The following DLG1 variants were observed in gnomAD, a reference collection of about 807,000 sequenced individuals.
The protein encoded by DLG1 is discs large MAGUK scaffold protein 1.
DLG1 carries 42 observed loss-of-function variants against 123.4 expected under a neutral mutation model. That is an observed-to-expected ratio of 0.34 (90% CI 0.27 to 0.44). DLG1 has a LOEUF of 0.44. DLG1 is among the 20% of genes least tolerant of loss of function. DLG1 has a pLI of 1.00. For missense variants in DLG1, 942 were observed against 1,082.6 expected (o/e 0.87, Z 1.82); for synonymous variants, 317 against 356.2 (o/e 0.89, Z 1.24).
chr3:197,274,616 T>C (rs927773188), intron 4 of DLG1, among the ~76,000 whole-genome samples: 1 of 151,768 alleles, frequency 6.6e-6, no homozygotes, highest in Non-Finnish European at 1.5e-5. Flanking sequence ...AAAGCAAAAA[T>C]AGGTAAATGA....
At chr3:197,084,500 C>T (rs1006691888) in intron 16 of DLG1, among the ~76,000 whole-genome samples, 6 of 151,652 alleles carry the variant, frequency 4.0e-5, no homozygotes, top group South Asian at 2.1e-4. Flanking sequence ...TTAGTAGAGA[C>T]GGGGTTTCAC....
intron 4 of DLG1, among the ~76,000 whole-genome samples, chr3:197,248,775 G>A (rs186321610): frequency 3.1e-4 from 47 of 152,262 alleles, no homozygotes; most frequent in Middle Eastern, 6.8e-3. Context: ...AGCGTGGGTC[G>A]GCTACAAGCT....
At chr3:197,205,357 G>C (rs572954007) in intron 4 of DLG1, among the ~76,000 whole-genome samples, 2 of 152,032 alleles carry the variant, frequency 1.3e-5, no homozygotes, top group South Asian at 2.1e-4. Context: ...AAAAAAACTA[G>C]AAACCAATCT....
chr3:197,241,567 T>A (rs1301492723), intron 4 of DLG1, among the ~76,000 whole-genome samples: 1 of 152,192 alleles, frequency 6.6e-6, no homozygotes, highest in African/African-American at 2.4e-5. Context: ...ACGACTCTAG[T>A]ATTATATAAA....
chr3:197,298,725 C>G, upstream of DLG1: 1 of 397,342 alleles, frequency 2.5e-6, no homozygotes, highest in African/African-American at 2.1e-5. Flanking sequence ...GGGGTGCCAA[C>G]TCTGCATTGC....
intron 5 of DLG1, among the ~76,000 whole-genome samples, chr3:197,186,030 G>T (rs1330660671): frequency 6.6e-6 from 1 of 152,172 alleles, no homozygotes; most frequent in Non-Finnish European, 1.5e-5. Flanking sequence ...AATACTTCTT[G>T]ATGCAAATTT....
At chr3:197,193,317 C>A (rs554270464) in intron 5 of DLG1, among the ~76,000 whole-genome samples, 1 of 152,094 alleles carries the variant, frequency 6.6e-6, no homozygotes, top group African/African-American at 2.4e-5. Context: ...TAAAATCACA[C>A]TCAGATACCA....
At chr3:197,070,570 T>TTTTTTTTTTTTTTTTTTTTTTTTTC (rs1743126602) in intron 18 of DLG1, 1 of 130,240 alleles carries the variant, frequency 7.7e-6, no homozygotes, top group Admixed American at 7.7e-5. Context: ...ATTTCATTTT[T>TTTTTTTTTTTTTTTTTTTTTTTTTC]TTTTTTTTTT....
At chr3:197,241,917 C>G (rs916181546) in intron 4 of DLG1, among the ~76,000 whole-genome samples, 1 of 151,856 alleles carries the variant, frequency 6.6e-6, no homozygotes, top group Non-Finnish European at 1.5e-5. Context: ...GGAAGAGTTA[C>G]GAAACAATCA....
At chr3:197,065,613 C>G in intron 21 of DLG1, 95 bp downstream of exon 21, 1 of 1,040,958 alleles carries the variant, frequency 9.6e-7, no homozygotes, top group Non-Finnish European at 1.4e-6. Context: ...AAAATAAGTA[C>G]AAACCATTAA....
intron 12 of DLG1, among the ~76,000 whole-genome samples, chr3:197,118,876 C>T (rs974029391): frequency 2.0e-5 from 3 of 152,186 alleles, no homozygotes; most frequent in Admixed American, 6.5e-5. Flanking sequence ...AAGGGGATCA[C>T]GCCTGTAATC....
At chr3:197,246,153 TCGACTTCTG>T (rs1751640047) in intron 4 of DLG1, among the ~76,000 whole-genome samples, 1 of 152,200 alleles carries the variant, frequency 6.6e-6, no homozygotes, top group Non-Finnish European at 1.5e-5. Flanking sequence ...TCTTTCTGAC[TCGACTTCTG>T]CGACAGCTTC....
chr3:197,114,399 G>A (rs1185916968), intron 13 of DLG1, among the ~76,000 whole-genome samples: 1 of 152,136 alleles, frequency 6.6e-6, no homozygotes, highest in Non-Finnish European at 1.5e-5. Context: ...GACTTCTTTC[G>A]TTAAATAGAA....
chr3:197,127,458 ATATATATATATATATATATATAT>A (rs1288671821), intron 11 of DLG1, among the ~76,000 whole-genome samples: 2 of 9,760 alleles, frequency 2.0e-4, no homozygotes, highest in Non-Finnish European at 3.3e-4. Context: ...AAAAAAAAAA[ATATATATATATATATATATATAT>A]ATATATATAT....
chr3:197,170,474 C>T lies in DLG1; in HGVS notation c.484-20678G>A, dbSNP rs1020655215. 5.3e-5 allele frequency among the ~76,000 whole-genome samples: 8 copies of T among 151,964 alleles called. No homozygotes were observed. The East Asian group carries it at 9.6e-4, about 18-fold the overall frequency. ...TTCTGAATGGTGTGAGATGGTATCT[C>T]GTGGCTTTGATTTGCATTTCTCTAA... is the stretch of plus-strand genomic sequence containing the variant. On this transcript the variant is annotated intron_variant, in intron 5 of 24. Coordinates refer to ENST00000667157, the MANE Select transcript of DLG1 (RefSeq NM_001366207.1).
chr3:197,267,589 T>C (rs1401815871), intron 4 of DLG1, among the ~76,000 whole-genome samples: 2 of 142,236 alleles, frequency 1.4e-5, no homozygotes, highest in Non-Finnish European at 3.1e-5. Flanking sequence ...CCCAATATTC[T>C]GTAACCCAGA....
rs529873136 is a variant in DLG1 at position 197,051,555 on chromosome 3, A to G, written c.2575+22T>C. 10 of 1,593,316 alleles carry G rather than the reference A, an allele frequency of 6.3e-6. No homozygotes were observed. In the South Asian group the frequency reaches 7.8e-5, roughly 12 times the overall value. ...AAAGCAAAATTCTATCTTAAAGAGG[A>G]CTGTTACAACACGGTTCCAACCTGT... On this transcript the variant is annotated intron_variant, in intron 24 of 24. Transcript: ENST00000667157.
At chr3:197,196,986 G>C (rs1722878361) in intron 4 of DLG1, among the ~76,000 whole-genome samples, 1 of 152,114 alleles carries the variant, frequency 6.6e-6, no homozygotes, top group Admixed American at 6.5e-5. Context: ...GAAGTGAAAG[G>C]AATTAAAATT....
chr3:197,178,195 G>A (rs1327873992), intron 5 of DLG1, among the ~76,000 whole-genome samples: 3 of 152,238 alleles, frequency 2.0e-5, no homozygotes, highest in African/African-American at 7.2e-5. Context: ...AAATATTAAC[G>A]AGAGAAGTTA....
Sources: gnomAD v4.1 joint callset for allele counts (sites outside exome capture counted in the v4.1 genomes callset) on GRCh38, gnomAD v4.1.1 for gene constraint, MANE v1.5 for transcripts, NCBI Gene and HGNC (gene_info 2026-07-23, HGNC 2026-07-21) for gene names.